Variants in IGF2BP2 observed in about 807,000 individuals in gnomAD.
IGF2BP2 encodes insulin like growth factor 2 mRNA binding protein 2.
In IGF2BP2, 17 loss-of-function variants were observed where a neutral mutation model predicts 75.8. The observed-to-expected ratio is 0.22, with a 90% CI of 0.15 to 0.34. IGF2BP2 has a LOEUF of 0.34. Among genes scored for constraint, IGF2BP2 ranks in the 10% least tolerant of loss-of-function variants. The probability of loss-of-function intolerance (pLI) is 1.00; values close to 1 mark genes in which losing one functional copy is unlikely to be tolerated. For missense variants in IGF2BP2, 516 were observed against 772.4 expected, an observed-to-expected ratio of 0.67 and a Z score of 3.93; for synonymous variants, 288 against 295.6, an observed-to-expected ratio of 0.97 and a Z score of 0.26.
chr3:185,677,046 T>TATATATATATATATATATATATATGGAG (rs1719574386), intron 7 of IGF2BP2, among the ~76,000 whole-genome samples: 1 of 43,872 alleles, frequency 2.3e-5, no homozygotes, highest in African/African-American at 1.1e-4. Flanking sequence ...TATATGGAGA[T>TATATATATATATATATATATATATGGAG]ATATATATAT....
In IGF2BP2 at chr3:185,672,557, GGGGCAGC is replaced by G; in HGVS notation, c.1177_1183del (p.Ala393ProfsTer36). On this transcript the variant is annotated frameshift_variant, in exon 10 of 16. Transcript: ENST00000382199. ...GCTACTTACAGTGAAGGGGTGGTAG[GGGGCAGC>G]GGGGGGAGCTCCGCGGGGCCCTGCT... 1 of 1,612,880 alleles carries G rather than the reference GGGGCAGC, an allele frequency of 6.2e-7. No individual in the cohort carries two copies.
At chr3:185,754,048 A>T (rs1215375870) in intron 2 of IGF2BP2, among the ~76,000 whole-genome samples, 1 of 152,024 alleles carries the variant, frequency 6.6e-6, no homozygotes, top group African/African-American at 2.4e-5. Context: ...TACAAAAAAA[A>T]AAATACAAAC....
chr3:185,788,682 G>A (rs551935007), intron 2 of IGF2BP2, among the ~76,000 whole-genome samples: 5 of 149,052 alleles, frequency 3.4e-5, no homozygotes, highest in Non-Finnish European at 7.4e-5. Context: ...CAAGTCTACT[G>A]GTTGTAAAGT....
chr3:185,672,101 A>G (rs1455335623), intron 10 of IGF2BP2, among the ~76,000 whole-genome samples: 3 of 152,228 alleles, frequency 2.0e-5, no homozygotes, highest in Admixed American at 6.5e-5. Flanking sequence ...TTGCCTATTA[A>G]TAAGACAATA....
rs1243967943 is a variant in IGF2BP2 at position 185,747,449 on chromosome 3, G to T, written c.240-49102C>A. On this transcript the variant is annotated intron_variant, in intron 2 of 15. Transcript: ENST00000382199. Reference sequence around the variant, plus strand: ...ATCCCAACACTTTGGGAGGCCAAGAGGGGTGGATCACCTGAGGTCAGAACT... The same window carrying T: ...ATCCCAACACTTTGGGAGGCCAAGATGGGTGGATCACCTGAGGTCAGAACT... Among the ~76,000 whole-genome samples, 3 of 152,218 alleles carry T rather than the reference G, an allele frequency of 2.0e-5. No individual in the cohort carries two copies. The South Asian group carries it at 6.2e-4, about 32-fold the overall frequency.
At chr3:185,714,747 A>G (rs1704638814) in intron 2 of IGF2BP2, among the ~76,000 whole-genome samples, 1 of 152,188 alleles carries the variant, frequency 6.6e-6, no homozygotes, top group African/African-American at 2.4e-5. Flanking sequence ...CAGAAGTTTG[A>G]GCCCAGCCTA....
In IGF2BP2 at chr3:185,692,786, C is replaced by T. The variant is rs755631330; in HGVS notation, c.341-24G>A. The T allele has an allele frequency of 5.5e-5, 88 of 1,611,930 alleles. No individual in the cohort carries two copies. The South Asian group carries it at 8.8e-4, about 16-fold the overall frequency. ...GACTAGGGAAAAGGCAAAAACTACA[C>T]TGTCATAGGAAAAAGTGCTGTCACC... is the stretch of plus-strand genomic sequence containing the variant. On this transcript the variant is annotated intron_variant, in intron 4 of 15. Transcript: ENST00000382199.
At chr3:185,646,371 A>G (rs1174792981) in intron 15 of IGF2BP2, among the ~76,000 whole-genome samples, 1 of 152,226 alleles carries the variant, frequency 6.6e-6, no homozygotes, top group African/African-American at 2.4e-5. Flanking sequence ...GCAGGCTGAC[A>G]GCTTAGACAA....
intron 11 of IGF2BP2, 56 bp from the exon 12 acceptor site, chr3:185,657,458 G>A: frequency 1.5e-6 from 2 of 1,332,422 alleles, no homozygotes; most frequent in Non-Finnish European, 1.1e-6. Context: ...TCTCCTCCAG[G>A]CACTCAACAG....
At chr3:185,657,456 A>C in intron 11 of IGF2BP2, 54 bp from the exon 12 acceptor site, 9 of 1,396,092 alleles carry the variant, frequency 6.4e-6, no homozygotes, top group Non-Finnish European at 8.1e-6. Context: ...TTTCTCCTCC[A>C]GGCACTCAAC....
At chr3:185,769,866 T>C (rs1478205302) in intron 2 of IGF2BP2, among the ~76,000 whole-genome samples, 1 of 148,816 alleles carries the variant, frequency 6.7e-6, no homozygotes, top group Non-Finnish European at 1.5e-5. Flanking sequence ...AACAATTTCA[T>C]CTCAGTCACA....
At chr3:185,796,923 A>G (rs35288434) in intron 2 of IGF2BP2, among the ~76,000 whole-genome samples, 4 of 152,172 alleles carry the variant, frequency 2.6e-5, no homozygotes, top group African/African-American at 4.8e-5. Context: ...GATTCCTGAC[A>G]ATGCATTCTG....
At chr3:185,823,291 C>A in intron 1 of IGF2BP2, 78 bp from the exon 2 acceptor site, 1 of 1,137,530 alleles carries the variant, frequency 8.8e-7, no homozygotes, top group Non-Finnish European at 1.3e-6. Context: ...ACGCACGGAA[C>A]TCCACGCTCG....
At chr3:185,649,686 G>T in intron 13 of IGF2BP2, 152 bp from the exon 14 acceptor site, 1 of 1,042,538 alleles carries the variant, frequency 9.6e-7, no homozygotes, top group Non-Finnish European at 1.4e-6. Context: ...CCCAGCCTCC[G>T]CTCACAGACC....
chr3:185,770,215 A>C (rs1289698051), intron 2 of IGF2BP2, among the ~76,000 whole-genome samples: 1 of 152,188 alleles, frequency 6.6e-6, no homozygotes, highest in Non-Finnish European at 1.5e-5. Context: ...TTTACATCAG[A>C]AAAATGAAGT....
intron 2 of IGF2BP2, among the ~76,000 whole-genome samples, chr3:185,803,120 G>A (rs1738505707): frequency 6.6e-6 from 1 of 152,196 alleles, no homozygotes; most frequent in African/African-American, 2.4e-5. Context: ...TGAGGCCTAG[G>A]CAGGTGGATT....
At chr3:185,704,459 CTTTTT>C (rs984382266) in intron 2 of IGF2BP2, among the ~76,000 whole-genome samples, 3 of 151,924 alleles carry the variant, frequency 2.0e-5, no homozygotes, top group African/African-American at 7.3e-5. Context: ...CCAACTGTCT[CTTTTT>C]TTTGAGACAC....
chr3:185,670,362 A>G (rs900713889), intron 10 of IGF2BP2, among the ~76,000 whole-genome samples: 2 of 152,204 alleles, frequency 1.3e-5, no homozygotes, highest in Non-Finnish European at 2.9e-5. Context: ...AGCAAATCAT[A>G]AATATTTTAG....
At chr3:185,746,454 CTTAACGA>C (rs932810757) in intron 2 of IGF2BP2, among the ~76,000 whole-genome samples, 2 of 152,176 alleles carry the variant, frequency 1.3e-5, no homozygotes, top group African/African-American at 4.8e-5. Context: ...GACGGATCTA[CTTAACGA>C]TTATTTTCCT....
Sources: gnomAD v4.1 joint callset for allele counts (sites outside exome capture counted in the v4.1 genomes callset) on GRCh38, gnomAD v4.1.1 for gene constraint, MANE v1.5 for transcripts, NCBI Gene and HGNC (gene_info 2026-07-23, HGNC 2026-07-21) for gene names.